Variants in MID1 observed in about 807,000 individuals in gnomAD.
MID1 encodes the protein E3 ubiquitin-protein ligase Midline-1.
A neutral mutation model predicts 40.4 loss-of-function variants in MID1; 7 were observed. That is an observed-to-expected ratio of 0.17 (90% CI 0.10 to 0.33). MID1 has a LOEUF of 0.33. Ranked by LOEUF, MID1 falls within the 10% of genes least tolerant of loss-of-function variation. The probability of loss-of-function intolerance (pLI) is 1.00; values close to 1 mark genes in which losing one functional copy is unlikely to be tolerated. For missense variants in MID1, 367 were observed against 558.5 expected (o/e 0.66, Z 3.46); for synonymous variants, 229 against 221.2 (o/e 1.04, Z -0.31).
At chrX:10,501,686 A>G (rs1931551473) in intron 3 of MID1, 1 of 523,046 alleles carries the variant, frequency 1.9e-6, no homozygotes. Context: ...TAATGCTCAT[A>G]TCTGCCACCA....
intron 1 of MID1, among the ~76,000 whole-genome samples, chrX:10,607,578 G>A (rs1300283143): frequency 8.9e-6 from 1 of 112,539 alleles, no homozygotes; most frequent in Non-Finnish European, 1.9e-5. Flanking sequence ...GTATATGTAT[G>A]TTTGTAGATT....
chrX:10,583,226 AT>A (rs1935059134), intron 1 of MID1, among the ~76,000 whole-genome samples: 1 of 112,400 alleles, frequency 8.9e-6, no homozygotes, highest in Admixed American at 9.4e-5. Flanking sequence ...AAATAAAAAA[AT>A]AAAAGGTTTT....
intron 1 of MID1, among the ~76,000 whole-genome samples, chrX:10,618,135 C>T (rs929335220): frequency 1.8e-5 from 2 of 112,215 alleles, no homozygotes; most frequent in Admixed American, 9.4e-5. Context: ...GGCTGCCACA[C>T]CAGTGTACAA....
At chrX:10,598,936 C>T (rs1417359694) in intron 1 of MID1, among the ~76,000 whole-genome samples, 7 of 111,960 alleles carry the variant, frequency 6.3e-5, no homozygotes, top group African/African-American at 2.3e-4. Context: ...TGCTAATTTG[C>T]TATGCAGCAA....
intron 8 of MID1, 24 bp from the exon 9 acceptor site, chrX:10,455,101 AAAAAGG>A (rs751541792): frequency 6.2e-6 from 7 of 1,123,283 alleles, no homozygotes; most frequent in East Asian, 3.0e-5. Context: ...CACAAAACAG[AAAAAGG>A]AAGAGGAAGA....
intron 3 of MID1, among the ~76,000 whole-genome samples, chrX:10,512,943 C>T (rs146416375): frequency 0.031 from 3,461 of 111,818 alleles, 87 homozygotes; most frequent in African/African-American, 0.078. Flanking sequence ...ATGGTAGCCT[C>T]GGGCATTTTA....
chrX:10,457,050 A>AGAC (rs1403509079), intron 8 of MID1, among the ~76,000 whole-genome samples: 2 of 111,986 alleles, frequency 1.8e-5, no homozygotes, highest in Admixed American at 9.4e-5. Context: ...AAGAGTATGA[A>AGAC]GACAGTTTTG....
chrX:10,452,774 G>A (rs1480160357), intron 9 of MID1, among the ~76,000 whole-genome samples: 2 of 111,575 alleles, frequency 1.8e-5, no homozygotes, highest in African/African-American at 6.5e-5. Context: ...TCCCCCTCAT[G>A]AGTTAGTTTT....
intron 1 of MID1, among the ~76,000 whole-genome samples, chrX:10,788,130 T>A (rs1168844604): frequency 1.8e-5 from 2 of 111,978 alleles, no homozygotes; most frequent in Admixed American, 9.5e-5. Flanking sequence ...GAGATACAGA[T>A]CAGAGAAACT....
chrX:10,812,863 T>C (rs956195427), intron 1 of MID1, among the ~76,000 whole-genome samples: 20 of 111,213 alleles, frequency 1.8e-4, no homozygotes, highest in African/African-American at 6.5e-4. Context: ...TATGATGAAC[T>C]GGCAAGCCAC....
At chrX:10,468,475 A>T (rs1929509565) in intron 7 of MID1, among the ~76,000 whole-genome samples, 2 of 112,843 alleles carry the variant, frequency 1.8e-5, no homozygotes, top group Non-Finnish European at 3.7e-5. Context: ...TTAAATTGAT[A>T]TGAATTTATT....
At chrX:10,531,316 T>G (rs886624190) in intron 2 of MID1, among the ~76,000 whole-genome samples, 2 of 112,480 alleles carry the variant, frequency 1.8e-5, no homozygotes, top group African/African-American at 6.5e-5. Context: ...AGGCTGAGAC[T>G]ATCTTCAGGT....
rs1234717069 is a variant in MID1 at position 10,609,462 on chromosome X, T to C, written c.-57+10828A>G. Among the ~76,000 whole-genome samples, 4 of 111,362 alleles carry C rather than the reference T, an allele frequency of 3.6e-5. No individual in the cohort carries two copies. In the East Asian group the frequency reaches 1.1e-3, roughly 31 times the overall value. On this transcript the variant is annotated intron_variant, in intron 1 of 9. Coordinates refer to ENST00000317552, the MANE Select transcript of MID1 (RefSeq NM_000381.4). The stretch of plus-strand genomic sequence containing the variant: ...ATATAATCCTTCATTTAGTGATTAT[T>C]CTATAAACCCTGTGAGTTGTCCACA...
chrX:10,446,365 C>T lies in MID1; in HGVS notation c.*3003G>A, dbSNP rs1430788017. On this transcript the variant is annotated 3_prime_UTR_variant, in exon 10 of 10. Transcript: ENST00000317552. ...GTCACTGGAGGACGTTAGTTCAGTT[C>T]CTCAGCAAGTTTAAGGTCAATATAT... 1 of 111,806 alleles carries T rather than the reference C, an allele frequency of 8.9e-6. No individual in the cohort carries two copies. Among genetic ancestry groups the T allele is most frequent in the East Asian group, 2.8e-4 (1 of 3,568 alleles). The allele number at this position is 111,806 out of a possible 1,213,427, so 9.2% of individuals were successfully genotyped here. A position where few individuals can be genotyped will look rare whatever the true frequency, so the allele number is the denominator to read the frequency against.
chrX:10,570,792 T>C (rs1461017727), intron 1 of MID1, among the ~76,000 whole-genome samples: 1 of 112,729 alleles, frequency 8.9e-6, no homozygotes. Flanking sequence ...TATGGCTGTG[T>C]TCCAACATAA....
intron 1 of MID1, among the ~76,000 whole-genome samples, chrX:10,704,723 T>TATATATATATATAC (rs1555916218): frequency 2.3e-4 from 19 of 83,469 alleles, no homozygotes; most frequent in African/African-American, 1.0e-3. Flanking sequence ...TGTGTATATA[T>TATATATATATATAC]ATATATATAT....
intron 1 of MID1, among the ~76,000 whole-genome samples, chrX:10,808,587 C>A (rs1373902638): frequency 5.4e-5 from 6 of 110,365 alleles, no homozygotes. Context: ...TATGGTGCTC[C>A]TTTTCATTAT....
chrX:10,578,410 C>T (rs1934926828), intron 1 of MID1, among the ~76,000 whole-genome samples: 1 of 111,896 alleles, frequency 8.9e-6, no homozygotes, highest in Admixed American at 9.5e-5. Flanking sequence ...TTAGCCTGAA[C>T]ATCTGAAGTT....
intron 1 of MID1, among the ~76,000 whole-genome samples, chrX:10,781,298 G>C (rs1320490914): frequency 1.8e-5 from 2 of 111,440 alleles, no homozygotes; most frequent in Admixed American, 9.6e-5. Context: ...AGCTTCATGG[G>C]AATTTGCCTC....
Sources: gnomAD v4.1 joint callset for allele counts (sites outside exome capture counted in the v4.1 genomes callset) on GRCh38, gnomAD v4.1.1 for gene constraint, MANE v1.5 for transcripts, NCBI Gene and HGNC (gene_info 2026-07-23, HGNC 2026-07-21) for gene names.